Variants in EYA2 observed in about 807,000 individuals in gnomAD.
EYA2 encodes EYA transcriptional coactivator and phosphatase 2, also known as protein phosphatase EYA2.
Under a neutral mutation model 69.2 loss-of-function variants are expected in EYA2, and 31 were observed. That is an observed-to-expected ratio of 0.45 (90% CI 0.34 to 0.60). EYA2 has a LOEUF of 0.60. Among genes scored for constraint, EYA2 ranks in the 20% least tolerant of loss-of-function variants. The pLI is 0.02. For missense variants in EYA2, 622 were observed against 701.2 expected, an observed-to-expected ratio of 0.89 and a Z score of 1.28; for synonymous variants, 257 against 279.4, an observed-to-expected ratio of 0.92 and a Z score of 0.80.
intron 9 of EYA2, among the ~76,000 whole-genome samples, chr20:47,115,199 G>A (rs902514763): frequency 5.9e-5 from 9 of 151,976 alleles, no homozygotes; most frequent in African/African-American, 1.7e-4. Context: ...CTGCCAGAGG[G>A]ATTGCTTGAA....
chr20:47,047,136 G>A lies in EYA2; in HGVS notation c.416-25049G>A, dbSNP rs527739640. ...TGCATCCCCATGAATATCCACTTAC[G>A]CTGTAGGATCCTGAAGGTCGGGGGC... On this transcript the variant is annotated intron_variant, in intron 5 of 15. Coordinates refer to ENST00000327619, the MANE Select transcript of EYA2 (RefSeq NM_005244.5). Among the ~76,000 whole-genome samples, 6 of 152,072 alleles carry A rather than the reference G, an allele frequency of 3.9e-5. 1 individual carries two copies. Among genetic ancestry groups the A allele is most frequent in the East Asian group, 3.9e-4 (2 of 5,178 alleles).
chr20:47,086,808 G>T (rs1330775895), intron 7 of EYA2, among the ~76,000 whole-genome samples: 3 of 148,400 alleles, frequency 2.0e-5, no homozygotes, highest in Admixed American at 6.9e-5. Flanking sequence ...TTGTTTTTTT[G>T]TTGTTTTTTT....
At chr20:47,024,928 C>A (rs1983991925) in intron 5 of EYA2, among the ~76,000 whole-genome samples, 1 of 152,140 alleles carries the variant, frequency 6.6e-6, no homozygotes, top group Non-Finnish European at 1.5e-5. Context: ...TGTAAAATAC[C>A]AAACACAAGC....
At chr20:46,895,222 C>A (rs1314962642) in intron 1 of EYA2, among the ~76,000 whole-genome samples, 1 of 152,206 alleles carries the variant, frequency 6.6e-6, no homozygotes, top group Non-Finnish European at 1.5e-5. Context: ...GCTCGGGGCC[C>A]CAGTTTCCCC....
chr20:47,016,278 A>T lies in EYA2; in HGVS notation c.396A>T (p.Pro132=), dbSNP rs1234106667. ...GCACCTCACCCACTGGACAGAGCCC[A>T]TACACCTACCAGATGCACGGTCAGT... The part of the protein sequence containing the change: ...SFSTSPTGQS[P]YTYQMHGTTG... Residue 132 remains proline (P), a synonymous_variant, in exon 5 of 16, where the codon CCA becomes CCT. Transcript: ENST00000327619. 6.2e-7 allele frequency: 1 copy of T among 1,614,046 alleles called. No homozygotes were observed. The highest frequency in any genetic ancestry group is 8.5e-7 in the Non-Finnish European group (1 of 1,179,892).
intron 2 of EYA2, among the ~76,000 whole-genome samples, chr20:46,994,482 A>G (rs1363037526): frequency 6.6e-6 from 1 of 152,186 alleles, no homozygotes; most frequent in East Asian, 1.9e-4. Flanking sequence ...CCACCACCCT[A>G]CGCTACAAGC....
chr20:47,161,027 C>T (rs3091459), intron 10 of EYA2: 169,010 of 297,220 alleles, frequency 0.57, 49,308 homozygotes, highest in African/African-American at 0.71. Flanking sequence ...GTGGCCTTGG[C>T]GAAGTTTCCC....
chr20:47,091,576 CAA>C (rs11313572), intron 8 of EYA2, among the ~76,000 whole-genome samples: 1,145 of 83,250 alleles, frequency 0.014, 11 homozygotes, highest in African/African-American at 0.031. Flanking sequence ...CCATCTCTAC[CAA>C]AAAAAAAAAA....
intron 1 of EYA2, chr20:46,901,775 G>A (rs369212694): frequency 2.0e-5 from 3 of 152,298 alleles, no homozygotes; most frequent in Admixed American, 2.0e-4. Context: ...GGAAGCCTCC[G>A]CTGCTCGGAA....
intron 15 of EYA2, among the ~76,000 whole-genome samples, chr20:47,186,348 C>CTTTTTT (rs765874138): frequency 6.8e-3 from 488 of 72,260 alleles, no homozygotes; most frequent in Non-Finnish European, 0.012. Flanking sequence ...AGCACTTATT[C>CTTTTTT]TTTTTTTTTT....
intron 2 of EYA2, among the ~76,000 whole-genome samples, chr20:46,994,774 T>C (rs1217693623): frequency 1.3e-5 from 2 of 151,938 alleles, no homozygotes; most frequent in African/African-American, 4.9e-5. Flanking sequence ...GAAATGGTGC[T>C]ATTAATCCCA....
intron 1 of EYA2, among the ~76,000 whole-genome samples, chr20:46,976,785 C>T (rs560809447): frequency 1.9e-4 from 28 of 150,502 alleles, no homozygotes; most frequent in African/African-American, 6.3e-4. Context: ...TTGGACTCAC[C>T]GCTCTGAGGA....
intron 4 of EYA2, among the ~76,000 whole-genome samples, chr20:47,009,035 A>G (rs761615403): frequency 6.6e-6 from 1 of 152,202 alleles, no homozygotes; most frequent in Admixed American, 6.5e-5. Context: ...CTGTGTTCCA[A>G]TAAAACTTTA....
intron 7 of EYA2, among the ~76,000 whole-genome samples, chr20:47,078,335 A>ATG (rs2031599089): frequency 2.2e-5 from 2 of 90,074 alleles, no homozygotes; most frequent in Admixed American, 1.0e-4. Context: ...GCGCGCGCAC[A>ATG]CACACACACA....
intron 4 of EYA2, among the ~76,000 whole-genome samples, chr20:47,012,081 T>A (rs1983094428): frequency 6.6e-6 from 1 of 152,240 alleles, no homozygotes; most frequent in Non-Finnish European, 1.5e-5. Flanking sequence ...CATCAAGATC[T>A]GTATCTCCTG....
At chr20:46,987,304 A>T (rs1479862537) in intron 1 of EYA2, among the ~76,000 whole-genome samples, 1 of 152,212 alleles carries the variant, frequency 6.6e-6, no homozygotes, top group African/African-American at 2.4e-5. Flanking sequence ...TTCACATATT[A>T]TGAAATAGTA....
chr20:47,095,478 A>G (rs911940042), intron 8 of EYA2, among the ~76,000 whole-genome samples: 1 of 152,156 alleles, frequency 6.6e-6, no homozygotes, highest in Non-Finnish European at 1.5e-5. Context: ...CATTGGGTTG[A>G]AAATGCTGAA....
chr20:46,965,419 G>A (rs375658047), intron 1 of EYA2, among the ~76,000 whole-genome samples: 2 of 152,318 alleles, frequency 1.3e-5, no homozygotes, highest in Admixed American at 6.5e-5. Flanking sequence ...CAGGCAGGCC[G>A]CCAGAGTCAC....
At chr20:46,968,909 A>C (rs970675372) in intron 1 of EYA2, among the ~76,000 whole-genome samples, 3 of 152,164 alleles carry the variant, frequency 2.0e-5, no homozygotes, top group Admixed American at 2.0e-4. Context: ...CTGTAAAATG[A>C]GGGGACAGTA....
Sources: allele counts gnomAD v4.1 joint callset (sites outside exome capture counted in the v4.1 genomes callset), GRCh38; gene constraint gnomAD v4.1.1; transcripts MANE v1.5; gene names NCBI Gene and HGNC (gene_info 2026-07-23, HGNC 2026-07-21).